Variants in SPNS3 observed in about 807,000 individuals in gnomAD.
SPNS3 encodes the protein protein spinster homolog 3.
SPNS3 carries 51 observed loss-of-function variants against 54.4 expected under a neutral mutation model. The observed-to-expected ratio is 0.94, with a 90% confidence interval of 0.75 to 1.18. The LOEUF is 1.18. SPNS3 is among the 50% of genes most tolerant of loss of function. SPNS3 has a pLI of 0.00. For missense variants in SPNS3, 669 were observed against 677.4 expected, an observed-to-expected ratio of 0.99 and a Z score of 0.14; for synonymous variants, 309 against 294.7, an observed-to-expected ratio of 1.05 and a Z score of -0.50.
At chr17:4,447,575 G>T (rs766114542) in intron 5 of SPNS3, among the ~76,000 whole-genome samples, 1 of 152,224 alleles carries the variant, frequency 6.6e-6, no homozygotes, top group East Asian at 1.9e-4. Flanking sequence ...GGGAGCTGGC[G>T]TGTGAAGTGC....
At chr17:4,471,471 A>T (rs937252942) in intron 8 of SPNS3, among the ~76,000 whole-genome samples, 1 of 151,734 alleles carries the variant, frequency 6.6e-6, no homozygotes, top group Non-Finnish European at 1.5e-5. Context: ...TTTGATATTT[A>T]TTTATTTATT....
chr17:4,466,741 A>C (rs1308154560), intron 8 of SPNS3, among the ~76,000 whole-genome samples: 2 of 152,012 alleles, frequency 1.3e-5, no homozygotes, highest in African/African-American at 2.4e-5. Flanking sequence ...GATACTTGGG[A>C]GGCTGAGGCA....
chr17:4,444,669 T>A (rs916330133), intron 2 of SPNS3, among the ~76,000 whole-genome samples: 2 of 152,058 alleles, frequency 1.3e-5, no homozygotes, highest in African/African-American at 4.8e-5. Context: ...GGGTCATGTG[T>A]GTTTGTAAAG....
At chr17:4,487,164 T>C (rs1409626745) in intron 11 of SPNS3, among the ~76,000 whole-genome samples, 3 of 93,352 alleles carry the variant, frequency 3.2e-5, no homozygotes, top group African/African-American at 4.6e-5. Flanking sequence ...AGCAAGACTG[T>C]CTCAAAAAAA....
At chr17:4,463,765 TACA>T (rs1555531407) in intron 8 of SPNS3, among the ~76,000 whole-genome samples, 30 of 151,790 alleles carry the variant, frequency 2.0e-4, no homozygotes, top group Non-Finnish European at 4.4e-5. Context: ...AATATACTTG[TACA>T]TACAATATAC....
At chr17:4,458,429 T>C (rs75531319) in intron 8 of SPNS3, among the ~76,000 whole-genome samples, 5,344 of 121,800 alleles carry the variant, frequency 0.044, 401 homozygotes, top group African/African-American at 0.12. Flanking sequence ...CTTCTTTCTT[T>C]CCTTCCTCCC....
chr17:4,466,539 CAAAA>C (rs71144202), intron 8 of SPNS3, among the ~76,000 whole-genome samples: 5 of 104,948 alleles, frequency 4.8e-5, no homozygotes, highest in Non-Finnish European at 3.8e-5. Flanking sequence ...GACTCTGTCT[CAAAA>C]AAAAAAAAAA....
chr17:4,439,553 G>T, intron 1 of SPNS3, 105 bp from the exon 2 acceptor site: 2 of 979,600 alleles, frequency 2.0e-6, no homozygotes, highest in South Asian at 2.9e-5. Context: ...GCCATGCCCT[G>T]TGCTGTGCTG....
chr17:4,473,607 C>T (rs1385942782), intron 8 of SPNS3, among the ~76,000 whole-genome samples: 1 of 151,928 alleles, frequency 6.6e-6, no homozygotes, highest in Non-Finnish European at 1.5e-5. Context: ...AGGCTGGTCT[C>T]GAACTCCTGG....
chr17:4,486,277 C>T lies in SPNS3; in HGVS notation c.1229C>T (p.Thr410Met), dbSNP rs145355626. Residue 410 changes from threonine (T) to methionine (M), a missense_variant, in exon 10 of 12, where the codon ACG becomes ATG. Physicochemically the swap from Thr to Met is moderately conservative, Grantham distance 81 (BLOSUM62 -1). Transcript: ENST00000355530. The surrounding 1 kb of genome is among the most constrained non-coding windows in gnomAD (Gnocchi z 5.5). ...CRGTAEALQITVGHILGDAGS... is the reference protein window; with the variant it reads ...CRGTAEALQIMVGHILGDAGS... ...GGGACGGCAGAGGCACTTCAGATCACGGTGGGCCACATCCTGGGAGACGCT... is the reference window on the plus strand; with the variant it reads ...GGGACGGCAGAGGCACTTCAGATCATGGTGGGCCACATCCTGGGAGACGCT... 1.8e-5 allele frequency: 29 copies of T among 1,589,152 alleles called. No individual in the cohort carries two copies. Among genetic ancestry groups the T allele is most frequent in the Middle Eastern group, 1.7e-4 (1 of 5,970 alleles).
rs573743357 is a variant in SPNS3, at chr17:4,459,485, G to T, written c.1113+6280G>T. Among the ~76,000 whole-genome samples, 81 of 152,258 alleles carry T rather than the reference G, an allele frequency of 5.3e-4. 3 individuals are homozygous for T. The South Asian group carries it at 7.9e-3, about 15-fold the overall frequency. On this transcript the variant is annotated intron_variant, in intron 8 of 11. Coordinates refer to ENST00000355530, the MANE Select transcript of SPNS3 (RefSeq NM_182538.5). ...CCAGCACTTTGGGAGGCCGAGGCAG[G>T]CGGATCACCTGAGGTCAGGAGTTCA...
At chr17:4,487,758 A>G (rs1972360886) in intron 11 of SPNS3, 48 bp from the exon 12 acceptor site, 10 of 1,584,960 alleles carry the variant, frequency 6.3e-6, no homozygotes, top group Non-Finnish European at 8.7e-6. Context: ...CTGGTCCCAA[A>G]GCACCTTCTG....
At chr17:4,443,340 G>T (rs949162756) in intron 2 of SPNS3, among the ~76,000 whole-genome samples, 1 of 152,132 alleles carries the variant, frequency 6.6e-6, no homozygotes, top group Non-Finnish European at 1.5e-5. Flanking sequence ...CAAAGTGCTG[G>T]GATTACAGGC....
chr17:4,450,858 T>A (rs1013894086), intron 7 of SPNS3, among the ~76,000 whole-genome samples: 6 of 149,624 alleles, frequency 4.0e-5, no homozygotes, highest in Non-Finnish European at 5.9e-5. Context: ...CTGGCCCGCC[T>A]CAGCCTCCCG....
intron 2 of SPNS3, among the ~76,000 whole-genome samples, chr17:4,440,698 TA>T (rs1357863599): frequency 2.0e-5 from 3 of 152,016 alleles, no homozygotes; most frequent in Non-Finnish European, 1.5e-5. Flanking sequence ...CTCCTGGGTG[TA>T]AAAACCTCTG....
At chr17:4,458,579 TCC>T (rs1402036982) in intron 8 of SPNS3, among the ~76,000 whole-genome samples, 2,102 of 84,646 alleles carry the variant, frequency 0.025, 45 homozygotes, top group Non-Finnish European at 0.042. Context: ...CTTTCTTTCT[TCC>T]TTCCCTCCTT....
chr17:4,446,526 C>T, intron 4 of SPNS3: 1 of 502,416 alleles, frequency 2.0e-6, no homozygotes, highest in Admixed American at 3.2e-5. Context: ...AGGGCCAGGC[C>T]CTGCACCCCA....
chr17:4,480,057 T>C (rs1159267641), intron 9 of SPNS3, among the ~76,000 whole-genome samples: 1 of 152,244 alleles, frequency 6.6e-6, no homozygotes, highest in Non-Finnish European at 1.5e-5. Context: ...CCTGCTTGAA[T>C]ACTACTGTGG....
In SPNS3 at chr17:4,486,563, G is replaced by A. The variant is rs138084959; in HGVS notation, c.1430G>A (p.Arg477Gln). ...CTGTACCTGGAGAGAGACGAGACCCGGGCCTGGCAGCCTGTCACAGGTACC... is the reference window on the plus strand; with the variant it reads ...CTGTACCTGGAGAGAGACGAGACCCAGGCCTGGCAGCCTGTCACAGGTACC... ...TALYLERDET[R>Q]AWQPVTGTPD... The change falls in exon 11 of 12, where the codon CGG (arginine) becomes CAG (glutamine). Residue 477 changes from arginine (R) to glutamine (Q), a missense_variant. Physicochemically the swap from Arg to Gln is conservative, Grantham distance 43 (BLOSUM62 1). Transcript: ENST00000355530. This position sits in a 1 kb window ranked among gnomAD's most constrained non-coding sequence, Gnocchi z 5.5. 1.6e-4 allele frequency: 266 copies of A among 1,612,340 alleles called. 2 individuals are homozygous for A. The highest frequency in any genetic ancestry group is 3.5e-4 in the South Asian group (32 of 90,994).
Sources: allele counts gnomAD v4.1 joint callset (sites outside exome capture counted in the v4.1 genomes callset), GRCh38; gene constraint gnomAD v4.1.1; non-coding constraint Gnocchi (gnomAD v3.1); transcripts MANE v1.5; gene names NCBI Gene and HGNC (gene_info 2026-07-23, HGNC 2026-07-21).